Variants in PDE6B observed in about 807,000 individuals in gnomAD.
The protein encoded by PDE6B is phosphodiesterase 6B.
PDE6B carries 106 observed loss-of-function variants against 109.0 expected under a neutral mutation model. The observed-to-expected ratio is 0.97, with a 90% CI of 0.83 to 1.14. The LOEUF is 1.14. Ranked by LOEUF, PDE6B falls within the 50% of genes most tolerant of loss-of-function variation. The probability of loss-of-function intolerance (pLI) is 0.00; values close to 1 mark genes in which losing one functional copy is unlikely to be tolerated. For synonymous variants in PDE6B, 490 were observed against 471.3 expected, an observed-to-expected ratio of 1.04 and a Z score of -0.51; for missense variants, 1,193 against 1,155.6, an observed-to-expected ratio of 1.03 and a Z score of -0.47.
rs555760912 is a variant in PDE6B at position 663,413 on chromosome 4, A to C, written c.1920+226A>C. ...GGAAGACAACTGGAAAGGGCCCCTC[A>C]TGGGGTGGGGTGGAAGCCGAAGGGG... is the stretch of plus-strand genomic sequence containing the variant. On this transcript the variant is annotated intron_variant, in intron 15 of 21. Coordinates refer to ENST00000496514, the MANE Select transcript of PDE6B (RefSeq NM_000283.4). This position sits in a 1 kb window ranked among gnomAD's most constrained non-coding sequence, Gnocchi z 4.0. Among the ~76,000 whole-genome samples, 13 of 152,232 alleles carry C rather than the reference A, an allele frequency of 8.5e-5. No homozygotes were observed. Among genetic ancestry groups the C allele is most frequent in the African/African-American group, 3.1e-4 (13 of 41,554 alleles).
At position 663,884 on chromosome 4, in the gene PDE6B, G is replaced by C; in HGVS notation, c.2021+14G>C. 1 of 1,582,368 alleles carries C rather than the reference G, an allele frequency of 6.3e-7. No individual in the cohort carries two copies. Among genetic ancestry groups the C allele is most frequent in the South Asian group, 1.1e-5 (1 of 89,554 alleles). ...CCTGTACTTCAAGTGCGCGCCTTCC[G>C]GGAGGGGGCGCCTCGCGGGGCGGGC... On this transcript the variant is annotated intron_variant, in intron 16 of 21. Transcript: ENST00000496514. This position sits in a 1 kb window ranked among gnomAD's most constrained non-coding sequence, Gnocchi z 4.0.
intron 2 of PDE6B, 61 bp from the exon 3 acceptor site, chr4:635,819 C>T: frequency 1.1e-6 from 1 of 891,048 alleles, no homozygotes; most frequent in Non-Finnish European, 1.9e-6. Context: ...GCAAAATACC[C>T]ACGGGGGCAC....
chr4:656,029 T>C (rs773973457), intron 7 of PDE6B, 23 bp downstream of exon 7: 2 of 1,503,156 alleles, frequency 1.3e-6, no homozygotes, highest in Non-Finnish European at 1.9e-6. Context: ...CTGTCTGGAG[T>C]CCCCACAGCC....
chr4:658,066 C>T (rs1206809473), intron 10 of PDE6B, among the ~76,000 whole-genome samples: 1 of 99,588 alleles, frequency 1.0e-5, no homozygotes, highest in Non-Finnish European at 2.0e-5. Flanking sequence ...GCAGGTCGTC[C>T]AGGGGTCCAT....
chr4:645,421 G>A (rs1047968305), intron 3 of PDE6B, among the ~76,000 whole-genome samples: 28 of 149,674 alleles, frequency 1.9e-4, no homozygotes, highest in Admixed American at 1.3e-3. Context: ...TCAGCCTCCC[G>A]AGTAGCTGGG....
In PDE6B at chr4:664,878, C is replaced by T; in HGVS notation, c.2130-3C>T. 1 of 1,612,574 alleles carries T rather than the reference C, an allele frequency of 6.2e-7. No homozygotes were observed. The highest frequency in any genetic ancestry group is 8.5e-7 in the Non-Finnish European group (1 of 1,179,302). Reference sequence around the variant, plus strand: ...AGCACTCGTGCCCGGTTTGTGTCTGCAGGGCCATGATGATGACAGCCTGCG... The same window carrying T: ...AGCACTCGTGCCCGGTTTGTGTCTGTAGGGCCATGATGATGACAGCCTGCG... On this transcript the variant is annotated splice_polypyrimidine_tract_variant and splice_region_variant and intron_variant, in intron 17 of 21. Transcript: ENST00000496514.
chr4:645,296 T>TC (rs1204143821), intron 3 of PDE6B, among the ~76,000 whole-genome samples: 1 of 145,388 alleles, frequency 6.9e-6, no homozygotes, highest in Non-Finnish European at 1.5e-5. Flanking sequence ...TCACATTTTT[T>TC]TTTTTTTTTT....
chr4:657,305 GC>G (rs1560124469), intron 9 of PDE6B, 45 bp from the exon 10 acceptor site: 1 of 1,608,888 alleles, frequency 6.2e-7, no homozygotes, highest in Non-Finnish European at 8.5e-7. Context: ...ATGGGAGGGG[GC>G]GCGCCGGGAG....
chr4:661,999 G>C, intron 12 of PDE6B, 135 bp from the exon 13 acceptor site: 1 of 686,978 alleles, frequency 1.5e-6, no homozygotes, highest in Non-Finnish European at 2.7e-6. Context: ...GGATGGGGAA[G>C]ATCGGGAAGT....
At chr4:634,651 T>C in intron 1 of PDE6B, 26 bp from the exon 2 acceptor site, 5 of 1,604,122 alleles carry the variant, frequency 3.1e-6, no homozygotes, top group Non-Finnish European at 4.3e-6. Context: ...GACAGCCTCT[T>C]TAGCCTCTTT....
In PDE6B at chr4:666,005, G is replaced by A. The variant is rs889289634; in HGVS notation, c.2269-526G>A. On this transcript the variant is annotated intron_variant, in intron 19 of 21. Coordinates refer to ENST00000496514, the MANE Select transcript of PDE6B (RefSeq NM_000283.4). This position sits in a 1 kb window ranked among gnomAD's most constrained non-coding sequence, Gnocchi z 5.6. ...CCCACAGGGGAAGGACAGGCAGCAG[G>A]TCCATCCCCCGCGCCCGGCCTCTAG... 7.2e-5 allele frequency among the ~76,000 whole-genome samples: 11 copies of A among 152,144 alleles called. No individual in the cohort carries two copies. Among genetic ancestry groups the A allele is most frequent in the Non-Finnish European group, 1.2e-4 (8 of 68,012 alleles).
At chr4:647,275 T>C (rs1735251346) in intron 3 of PDE6B, among the ~76,000 whole-genome samples, 1 of 152,038 alleles carries the variant, frequency 6.6e-6, no homozygotes, top group Non-Finnish European at 1.5e-5. Context: ...CCTTTTAGCA[T>C]GACTTATAAT....
At chr4:660,443 C>G (rs771524849) in intron 11 of PDE6B, 24 bp from the exon 12 acceptor site, 4 of 1,613,136 alleles carry the variant, frequency 2.5e-6, no homozygotes, top group Non-Finnish European at 2.5e-6. Flanking sequence ...GCCAACCTCC[C>G]TCAGCCCACA....
At position 662,505 on chromosome 4, in the gene PDE6B, A is replaced by G. The variant is rs1326006107; in HGVS notation, c.1723-4A>G. ...CGGTGAGCAAGGTGGCCCTGTCTCT[A>G]CAGACCGGCAAACTGAAGAGCTACT... On this transcript the variant is annotated splice_polypyrimidine_tract_variant and splice_region_variant and intron_variant, in intron 13 of 21. Transcript: ENST00000496514. The surrounding 1 kb of genome is among the most constrained non-coding windows in gnomAD (Gnocchi z 4.3). The G allele has an allele frequency of 1.9e-6, 3 of 1,602,544 alleles. No homozygotes were observed. The highest frequency in any genetic ancestry group is 1.7e-5 in the Admixed American group (1 of 60,004).
chr4:653,048 C>T (rs1418079496), intron 3 of PDE6B: 2 of 315,408 alleles, frequency 6.3e-6, no homozygotes, highest in Admixed American at 6.5e-5. Flanking sequence ...AATCAATGTA[C>T]TGGGAAATAA....
chr4:649,877 T>A (rs1474262175), intron 3 of PDE6B, among the ~76,000 whole-genome samples: 1 of 152,098 alleles, frequency 6.6e-6, no homozygotes, highest in African/African-American at 2.4e-5. Flanking sequence ...GCTGAGCAGC[T>A]CCCCTTCCAG....
rs1355974221 is a variant in PDE6B, at chr4:666,956, GGCT to G, written c.2352+345_2352+347del. ...GCCAGCACACTGTTTTGGGGGCCTT[GGCT>G]GCAGCTCTGTGGGTTCATTTGTTCC... On this transcript the variant is annotated intron_variant, in intron 20 of 21. Coordinates refer to ENST00000496514, the MANE Select transcript of PDE6B (RefSeq NM_000283.4). This position sits in a 1 kb window ranked among gnomAD's most constrained non-coding sequence, Gnocchi z 5.6. 1.3e-5 allele frequency among the ~76,000 whole-genome samples: 2 copies of G among 152,238 alleles called. No individual in the cohort carries two copies. Among genetic ancestry groups the G allele is most frequent in the African/African-American group, 4.8e-5 (2 of 41,468 alleles).
At chr4:670,012 G>A (rs375749141) in intron 21 of PDE6B, 34 bp from the exon 22 acceptor site, 1 of 1,586,224 alleles carries the variant, frequency 6.3e-7, no homozygotes, top group Non-Finnish European at 8.6e-7. Context: ...GTGCACAGGT[G>A]GTTCCACTCA....
At chr4:635,266 G>A (rs1266403323) in intron 2 of PDE6B, among the ~76,000 whole-genome samples, 1 of 120,556 alleles carries the variant, frequency 8.3e-6, no homozygotes, top group East Asian at 2.6e-4. Context: ...TGCGTGTTCT[G>A]TGCTGCGCGT....
Sources: gnomAD v4.1 joint callset for allele counts (sites outside exome capture counted in the v4.1 genomes callset) on GRCh38, gnomAD v4.1.1 for gene constraint, Gnocchi (gnomAD v3.1) non-coding constraint, MANE v1.5 for transcripts, NCBI Gene and HGNC (gene_info 2026-07-23, HGNC 2026-07-21) for gene names.